Variants in ZNF236 observed in about 807,000 individuals in gnomAD.
ZNF236 encodes the protein zinc finger protein 236.
ZNF236 carries 50 observed loss-of-function variants against 191.2 expected under a neutral mutation model. The ratio of observed to expected loss-of-function variants is 0.26; its 90% CI spans 0.21 to 0.33. The LOEUF is 0.33. ZNF236 is among the 10% of genes least tolerant of loss of function. The pLI, the probability that ZNF236 is intolerant of heterozygous loss-of-function variation, is 1.00. For missense variants in ZNF236, 1,754 were observed against 2,374.5 expected (o/e 0.74, Z 5.43); for synonymous variants, 907 against 928.8 (o/e 0.98, Z 0.43).
chr18:76,889,167 C>A (rs1977153342), intron 9 of ZNF236, among the ~76,000 whole-genome samples: 1 of 152,158 alleles, frequency 6.6e-6, no homozygotes, highest in Non-Finnish European at 1.5e-5. Context: ...ATAAATATAC[C>A]TCAGGCCGTG....
chr18:76,849,658 G>A lies in ZNF236; in HGVS notation c.188G>A (p.Arg63Gln), dbSNP rs1238025404. Residue 63 changes from arginine (R) to glutamine (Q), a missense_variant, in exon 2 of 31, where the codon CGA (arginine) becomes CAA (glutamine). Arg to Gln is a conservative substitution (Grantham distance 43, BLOSUM62 1). This residue lies in a region of ZNF236 where 336 missense variants were observed against 495.1 expected (regional missense o/e 0.68). Coordinates refer to ENST00000320610, the MANE Select transcript of ZNF236 (RefSeq NM_001306089.2). Reference protein sequence around the residue: ...QFQRHMRDHERNDKPHRCDQC... With the variant: ...QFQRHMRDHEQNDKPHRCDQC... ...CAACGCCACATGAGGGATCACGAGC[G>A]AAATGACAAGGTATGTATTTTCAAA... 16 of 1,580,844 alleles carry A rather than the reference G, an allele frequency of 1.0e-5. No homozygotes were observed. The highest frequency in any genetic ancestry group is 7.6e-5 in the Admixed American group (4 of 52,550).
In ZNF236 at chr18:76,834,083, AGTTTT is replaced by A. The variant is rs539692942; in HGVS notation, c.55+11426_55+11430del. The stretch of plus-strand genomic sequence containing the variant: ...ATTTTACTTTGTGTCAGTTTTGGTA[AGTTTT>A]GTTTGTAAGAACCATCTAATATTTT... On this transcript the variant is annotated intron_variant, in intron 1 of 30. Transcript: ENST00000320610. Among the ~76,000 whole-genome samples, 47 of 152,252 alleles carry A rather than the reference AGTTTT, an allele frequency of 3.1e-4. No individual in the cohort carries two copies. In the South Asian group the frequency reaches 9.5e-3, roughly 31 times the overall value.
intron 1 of ZNF236, among the ~76,000 whole-genome samples, chr18:76,828,537 G>C (rs770521013): frequency 6.6e-6 from 1 of 152,200 alleles, no homozygotes; most frequent in African/African-American, 2.4e-5. Context: ...TAACAGTGCA[G>C]TCCTTACTTG....
Position 76,919,841 on chromosome 18 carries a change from G to A in ZNF236, c.3340G>A (p.Val1114Ile). 6.2e-7 allele frequency: 1 copy of A among 1,614,224 alleles called. No homozygotes were observed. The highest frequency in any genetic ancestry group is 1.3e-5 in the African/African-American group (1 of 75,048). ...TGCATCACGGAAGTCTCGTCCTGAG[G>A]TCATCACTTTCACGGAGGAGGAGAC... ...RNASRKSRPEVITFTEEETAQ... is the reference protein window; with the variant it reads ...RNASRKSRPEIITFTEEETAQ... Residue 1114 changes from valine to isoleucine, a missense_variant, in exon 20 of 31, where the codon GTC (valine) becomes ATC (isoleucine). By Grantham distance (29) the Val-to-Ile change is conservative. Around this residue, in one of 5 missense-constraint regions of ZNF236, gnomAD observed 641 missense variants for 869.6 expected, o/e 0.74. Transcript: ENST00000320610. The surrounding 1 kb of genome is among the most constrained non-coding windows in gnomAD (Gnocchi z 5.3).
rs369471937 is a variant in ZNF236 at position 76,915,881 on chromosome 18, A to C, written c.3274+22A>C. ...GGAGGTATTTTCCATTTGTTGATTC[A>C]AGGTGTATTAACCCGATGCTAATTT... On this transcript the variant is annotated intron_variant, in intron 19 of 30. Coordinates refer to ENST00000320610, the MANE Select transcript of ZNF236 (RefSeq NM_001306089.2). 6.6e-4 allele frequency: 1,055 copies of C among 1,605,880 alleles called. 2 individuals carry two copies. Among genetic ancestry groups the C allele is most frequent in the Admixed American group, 1.4e-3 (81 of 59,926 alleles).
chr18:76,826,911 T>A (rs1599304982), intron 1 of ZNF236, among the ~76,000 whole-genome samples: 1 of 151,292 alleles, frequency 6.6e-6, no homozygotes, highest in Admixed American at 6.6e-5. Flanking sequence ...GTTTTTGTTT[T>A]TTTTGAGACA....
intron 30 of ZNF236, among the ~76,000 whole-genome samples, chr18:76,965,015 C>T (rs551460070): frequency 3.3e-5 from 5 of 152,250 alleles, no homozygotes; most frequent in East Asian, 1.9e-4. Context: ...TCAGGAATGC[C>T]GATTATTCTT....
At chr18:76,844,683 A>G (rs541878605) in intron 1 of ZNF236, among the ~76,000 whole-genome samples, 8 of 152,326 alleles carry the variant, frequency 5.3e-5, no homozygotes, top group Admixed American at 4.6e-4. Context: ...TAAGAGGCCA[A>G]TTTGAGTTAA....
intron 1 of ZNF236, among the ~76,000 whole-genome samples, chr18:76,829,515 A>G (rs776725398): frequency 4.6e-5 from 7 of 151,916 alleles, no homozygotes; most frequent in Non-Finnish European, 8.8e-5. Context: ...TTTTGTAGAG[A>G]TGGGGTTTCG....
At position 76,875,455 on chromosome 18, in the gene ZNF236, A is replaced by G. The variant is rs1976687196; in HGVS notation, c.668-37A>G. ...TCAATCCGTAAGATGCCCATACAAT[A>G]TGGAATTATATTTTGATCATTTTTC... On this transcript the variant is annotated intron_variant, in intron 5 of 30. Transcript: ENST00000320610. The surrounding 1 kb of genome is among the most constrained non-coding windows in gnomAD (Gnocchi z 4.3). 2 of 1,448,092 alleles carry G rather than the reference A, an allele frequency of 1.4e-6. No individual in the cohort carries two copies. The highest frequency in any genetic ancestry group is 1.8e-6 in the Non-Finnish European group (2 of 1,090,530). The allele number at this position is 1,448,092 out of a possible 1,614,324, so 89.7% of individuals were successfully genotyped here.
intron 5 of ZNF236, among the ~76,000 whole-genome samples, chr18:76,874,319 G>A (rs1168319055): frequency 6.6e-6 from 1 of 152,146 alleles, no homozygotes; most frequent in Admixed American, 6.5e-5. Context: ...TATGAACTCA[G>A]CTGCTTTCTG....
intron 18 of ZNF236, among the ~76,000 whole-genome samples, chr18:76,914,146 A>G (rs1967293542): frequency 1.3e-5 from 2 of 152,314 alleles, no homozygotes; most frequent in Middle Eastern, 3.4e-3. Flanking sequence ...GGCACCCAGT[A>G]TCTACCTCTG....
intron 19 of ZNF236, among the ~76,000 whole-genome samples, chr18:76,916,308 A>G (rs1325082996): frequency 6.6e-6 from 1 of 152,192 alleles, no homozygotes; most frequent in Non-Finnish European, 1.5e-5. Flanking sequence ...ATTTTATTAT[A>G]TAATTTTCTG....
At position 76,936,380 on chromosome 18, in the gene ZNF236, A is replaced by C. The variant is rs1171910438; in HGVS notation, c.4595-776A>C. On this transcript the variant is annotated intron_variant, in intron 25 of 30. Coordinates refer to ENST00000320610, the MANE Select transcript of ZNF236 (RefSeq NM_001306089.2). ...CACTGGTGCCCACTACAGGACTTTG[A>C]TAATCCCATGCTGAACCCGTCTCAT... 6.6e-6 allele frequency: 3 copies of C among 456,692 alleles called. No homozygotes were observed. The Admixed American group carries it at 7.0e-5, about 11-fold the overall frequency. 28.3% of individuals were successfully genotyped at this position (456,692 alleles called of 1,614,324 possible).
chr18:76,910,100 G>A lies in ZNF236; in HGVS notation c.2584G>A (p.Gly862Arg), dbSNP rs767151806. 2 of 1,613,168 alleles carry A rather than the reference G, an allele frequency of 1.2e-6. No homozygotes were observed. The highest frequency in any genetic ancestry group is 1.7e-5 in the Admixed American group (1 of 59,996). ...TGTGGCTCCACAGGACCCTCTGCGA[G>A]GGCACGTAGACCAGTTTGAAGAGCA... The part of the protein sequence containing the change: ...GFVAPQDPLR[G>R]HVDQFEEQSP... The change falls in exon 15 of 31, where the codon GGG (glycine) becomes AGG (arginine). Residue 862 changes from glycine (G) to arginine (R), a missense_variant. By Grantham distance (125) the Gly-to-Arg change is moderately radical. Transcript: ENST00000320610.
At chr18:76,886,385 A>G (rs1023273034) in intron 9 of ZNF236, 1 of 153,400 alleles carries the variant, frequency 6.5e-6, no homozygotes, top group Non-Finnish European at 1.5e-5. Context: ...GCAGTAAAGA[A>G]CTTTCCTGTC....
intron 25 of ZNF236, among the ~76,000 whole-genome samples, chr18:76,932,373 T>A (rs1052248029): frequency 6.6e-6 from 1 of 152,240 alleles, no homozygotes; most frequent in African/African-American, 2.4e-5. Context: ...AAATATATGA[T>A]GTATTGTTGA....
At chr18:76,823,356 A>G (rs1307326460) in intron 1 of ZNF236, among the ~76,000 whole-genome samples, 2 of 149,726 alleles carry the variant, frequency 1.3e-5, no homozygotes, top group Admixed American at 6.6e-5. Flanking sequence ...CGCTGTGGGT[A>G]GTGCATACAG....
chr18:76,827,426 T>TC (rs1463114667), intron 1 of ZNF236, among the ~76,000 whole-genome samples: 1 of 151,598 alleles, frequency 6.6e-6, no homozygotes. Flanking sequence ...GACCTCGTGA[T>TC]CCCCCCACGT....
Sources: gnomAD v4.1 joint callset for allele counts (sites outside exome capture counted in the v4.1 genomes callset) on GRCh38, gnomAD v4.1.1 for gene constraint, gnomAD v4.1.1 regional missense constraint, Gnocchi (gnomAD v3.1) non-coding constraint, MANE v1.5 for transcripts, NCBI Gene and HGNC (gene_info 2026-07-23, HGNC 2026-07-21) for gene names.